FOXP1: variants seen among roughly 807,000 people sequenced by gnomAD.
FOXP1 encodes forkhead box protein P1.
FOXP1 carries 15 observed loss-of-function variants against 98.2 expected under a neutral mutation model. That is an observed-to-expected ratio of 0.15 (90% CI 0.10 to 0.24). FOXP1 has a LOEUF of 0.24. Among genes scored for constraint, FOXP1 ranks in the 10% least tolerant of loss-of-function variants. The probability of loss-of-function intolerance (pLI) is 1.00; values close to 1 mark genes in which losing one functional copy is unlikely to be tolerated. For missense variants in FOXP1, 633 were observed against 848.5 expected (o/e 0.75, Z 3.15); for synonymous variants, 371 against 314.5 (o/e 1.18, Z -1.90).
intron 6 of FOXP1, among the ~76,000 whole-genome samples, chr3:71,116,768 G>A (rs2058403551): frequency 6.6e-6 from 1 of 152,178 alleles, no homozygotes; most frequent in Admixed American, 6.5e-5. Flanking sequence ...ATAAATCACT[G>A]TGGTCTAGAT....
chr3:71,376,453 T>A (rs910834193), intron 3 of FOXP1, among the ~76,000 whole-genome samples: 1 of 152,208 alleles, frequency 6.6e-6, no homozygotes, highest in South Asian at 2.1e-4. Context: ...ACCAGTGATA[T>A]TGGCTAGTAC....
At chr3:70,969,751 C>T (rs2035791513) in intron 19 of FOXP1, 1 of 152,170 alleles carries the variant, frequency 6.6e-6, no homozygotes, top group Non-Finnish European at 1.5e-5. Flanking sequence ...TGCAGTATCT[C>T]AGAACCAATC....
chr3:70,980,705 A>C (rs941252394), intron 14 of FOXP1, among the ~76,000 whole-genome samples: 1 of 152,220 alleles, frequency 6.6e-6, no homozygotes, highest in African/African-American at 2.4e-5. Context: ...CTGCTTATGC[A>C]TGACAATCAA....
intron 6 of FOXP1, among the ~76,000 whole-genome samples, chr3:71,174,248 A>G (rs972629099): frequency 9.2e-5 from 14 of 152,158 alleles, no homozygotes; most frequent in African/African-American, 3.4e-4. Flanking sequence ...TGGAGGGGGG[A>G]AAAACCCACT....
chr3:71,045,207 G>A (rs1417417649), intron 10 of FOXP1, among the ~76,000 whole-genome samples: 1 of 152,198 alleles, frequency 6.6e-6, no homozygotes, highest in Admixed American at 6.5e-5. Context: ...AATAGTTATA[G>A]CAGACTGCTA....
chr3:71,092,124 G>T (rs1306378075), intron 7 of FOXP1, among the ~76,000 whole-genome samples: 1 of 152,026 alleles, frequency 6.6e-6, no homozygotes, highest in Non-Finnish European at 1.5e-5. Flanking sequence ...GGAGGTGGAG[G>T]TTGTAGTGAG....
At chr3:71,315,400 A>AT (rs1304209979) in intron 4 of FOXP1, among the ~76,000 whole-genome samples, 1 of 152,122 alleles carries the variant, frequency 6.6e-6, no homozygotes, top group Non-Finnish European at 1.5e-5. Flanking sequence ...AGTTTTGCCA[A>AT]TAAAAAAAAA....
chr3:71,441,701 T>G (rs2085959346), intron 3 of FOXP1, among the ~76,000 whole-genome samples: 1 of 152,152 alleles, frequency 6.6e-6, no homozygotes, highest in Non-Finnish European at 1.5e-5. Flanking sequence ...TCGTAAACCC[T>G]CAAGTTCTCA....
At chr3:71,086,690 A>G (rs2055134618) in intron 7 of FOXP1, among the ~76,000 whole-genome samples, 1 of 152,176 alleles carries the variant, frequency 6.6e-6, no homozygotes, top group Admixed American at 6.5e-5. Context: ...CCTCTCTTCC[A>G]AATCATCAGC....
At position 70,977,864 on chromosome 3, in the gene FOXP1, G is replaced by A; in HGVS notation, c.1312C>T (p.Arg438Trp). The A allele has an allele frequency of 2.5e-6, 4 of 1,614,158 alleles. No individual in the cohort carries two copies. Among genetic ancestry groups the A allele is most frequent in the Non-Finnish European group, 3.4e-6 (4 of 1,180,022 alleles). ...GGCACGTTGTATTTGTCTGAGTACC[G>A]CCTGCGGATGGGTCCCACCGTGTGC... ...SMHTVGPIRR[R>W]YSDKYNVPIS... Residue 438 changes from arginine (R) to tryptophan (W), a missense_variant, in exon 15 of 21, where the codon CGG becomes TGG. Around this residue, in one of 6 missense-constraint regions of FOXP1, gnomAD observed 141 missense variants for 199.5 expected, o/e 0.71. Transcript: ENST00000649528.
At chr3:71,279,752 T>C (rs2071311825) in intron 5 of FOXP1, among the ~76,000 whole-genome samples, 2 of 152,242 alleles carry the variant, frequency 1.3e-5, no homozygotes, top group South Asian at 2.1e-4. Context: ...CATTTTTAAA[T>C]GTTTAAAAAG....
chr3:70,989,442 T>C (rs967999578), intron 13 of FOXP1, among the ~76,000 whole-genome samples: 2 of 152,210 alleles, frequency 1.3e-5, no homozygotes, highest in Non-Finnish European at 2.9e-5. Flanking sequence ...CACTTGATGG[T>C]ATTCCTCCTC....
At chr3:71,149,801 T>TTC (rs2060486132) in intron 6 of FOXP1, among the ~76,000 whole-genome samples, 1 of 152,202 alleles carries the variant, frequency 6.6e-6, no homozygotes, top group Admixed American at 6.5e-5. Flanking sequence ...TTCTCTTTCA[T>TTC]TCTCTCCTCT....
At chr3:71,325,170 A>G (rs761155568) in intron 4 of FOXP1, among the ~76,000 whole-genome samples, 1 of 150,972 alleles carries the variant, frequency 6.6e-6, no homozygotes, top group Non-Finnish European at 1.5e-5. Flanking sequence ...CTCCCACCTC[A>G]GTCTCCCAAG....
At chr3:71,548,745 G>T (rs2045555475) in intron 2 of FOXP1, among the ~76,000 whole-genome samples, 1 of 150,522 alleles carries the variant, frequency 6.6e-6, no homozygotes, top group African/African-American at 2.5e-5. Context: ...CCAGCCCCCT[G>T]AAACCAGACT....
intron 2 of FOXP1, among the ~76,000 whole-genome samples, chr3:71,503,480 A>C (rs1374390382): frequency 1.3e-5 from 2 of 152,024 alleles, no homozygotes; most frequent in East Asian, 3.8e-4. Context: ...ACACACCTGT[A>C]ATCTCAGATA....
intron 3 of FOXP1, among the ~76,000 whole-genome samples, chr3:71,481,709 T>C (rs1274625811): frequency 6.6e-6 from 1 of 152,226 alleles, no homozygotes; most frequent in African/African-American, 2.4e-5. Flanking sequence ...GTCAGTTTTA[T>C]CATGATACTT....
intron 3 of FOXP1, among the ~76,000 whole-genome samples, chr3:71,383,555 G>C (rs1010226959): frequency 6.6e-6 from 1 of 152,162 alleles, no homozygotes; most frequent in African/African-American, 2.4e-5. Context: ...AGTCAAAATA[G>C]GTAAAACCTT....
chr3:71,391,020 C>T (rs1457221876), intron 3 of FOXP1, among the ~76,000 whole-genome samples: 1 of 152,190 alleles, frequency 6.6e-6, no homozygotes, highest in Non-Finnish European at 1.5e-5. Context: ...TTCCCCCTCC[C>T]GCTGAACATC....
Sources: allele counts gnomAD v4.1 joint callset (sites outside exome capture counted in the v4.1 genomes callset), GRCh38; gene constraint gnomAD v4.1.1; regional missense constraint gnomAD v4.1.1; transcripts MANE v1.5; gene names NCBI Gene and HGNC (gene_info 2026-07-23, HGNC 2026-07-21).